VSNL1: variants seen among roughly 807,000 people sequenced by gnomAD.
VSNL1 encodes visinin-like protein 1.
Under a neutral mutation model 20.4 loss-of-function variants are expected in VSNL1, and 6 were observed. The ratio of observed to expected loss-of-function variants is 0.29; its 90% CI spans 0.16 to 0.58. The LOEUF (loss-of-function observed/expected upper bound fraction) is 0.58, where lower values mean the gene tolerates loss of function less well. Among genes scored for constraint, VSNL1 ranks in the 20% least tolerant of loss-of-function variants. The probability of loss-of-function intolerance (pLI) is 0.90; values close to 1 mark genes in which losing one functional copy is unlikely to be tolerated. For synonymous variants in VSNL1, 93 were observed against 86.4 expected, an observed-to-expected ratio of 1.08 and a Z score of -0.42; for missense variants, 100 against 234.5, an observed-to-expected ratio of 0.43 and a Z score of 3.75.
At chr2:17,573,092 T>C (rs1009712267) in intron 1 of VSNL1, among the ~76,000 whole-genome samples, 1 of 152,256 alleles carries the variant, frequency 6.6e-6, no homozygotes, top group Non-Finnish European at 1.5e-5. Flanking sequence ...AAGAAATTTC[T>C]TTATTAAATC....
At chr2:17,575,141 G>C (rs1361629366) in intron 1 of VSNL1, among the ~76,000 whole-genome samples, 1 of 151,960 alleles carries the variant, frequency 6.6e-6, no homozygotes, top group African/African-American at 2.4e-5. Flanking sequence ...TAAACTTTTT[G>C]TAGGAGATGG....
At chr2:17,547,456 G>A (rs1420809207) in intron 1 of VSNL1, among the ~76,000 whole-genome samples, 1 of 151,928 alleles carries the variant, frequency 6.6e-6, no homozygotes, top group African/African-American at 2.4e-5. Context: ...AACAGTTTAC[G>A]GTGCTTACCC....
chr2:17,583,054 G>C (rs1020200641), intron 1 of VSNL1, among the ~76,000 whole-genome samples: 5 of 152,076 alleles, frequency 3.3e-5, no homozygotes, highest in Admixed American at 6.5e-5. Flanking sequence ...TAGAATTACT[G>C]TAGAGATAAC....
At chr2:17,614,800 G>C (rs1665177506) in intron 2 of VSNL1, among the ~76,000 whole-genome samples, 1 of 152,226 alleles carries the variant, frequency 6.6e-6, no homozygotes, top group African/African-American at 2.4e-5. Context: ...GGATGAAATA[G>C]AGAGACCAGA....
intron 2 of VSNL1, among the ~76,000 whole-genome samples, chr2:17,621,277 TTTC>T (rs1435855525): frequency 1.3e-5 from 2 of 151,340 alleles, no homozygotes; most frequent in East Asian, 1.9e-4. Flanking sequence ...TTTCTTCCTC[TTTC>T]TTTTTTTCTC....
intron 2 of VSNL1, among the ~76,000 whole-genome samples, chr2:17,592,892 G>A (rs1664628387): frequency 6.6e-6 from 1 of 151,952 alleles, no homozygotes; most frequent in South Asian, 2.1e-4. Flanking sequence ...CAGTGGTATT[G>A]TTTTGGCTTG....
At chr2:17,640,608 C>G (rs898352283) in intron 2 of VSNL1, among the ~76,000 whole-genome samples, 2 of 152,218 alleles carry the variant, frequency 1.3e-5, no homozygotes, top group African/African-American at 4.8e-5. Flanking sequence ...GAAGCTTCCT[C>G]TCCTCCAGAA....
intron 2 of VSNL1, among the ~76,000 whole-genome samples, chr2:17,647,408 G>A (rs934082380): frequency 2.6e-5 from 4 of 152,084 alleles, no homozygotes; most frequent in Non-Finnish European, 5.9e-5. Context: ...CAGTTCACAG[G>A]TGCCAGCCCC....
intron 1 of VSNL1, among the ~76,000 whole-genome samples, chr2:17,554,790 G>T (rs76778296): frequency 6.6e-6 from 1 of 152,028 alleles, no homozygotes; most frequent in Admixed American, 6.6e-5. Context: ...AAAATCACCT[G>T]CAATCTATTA....
chr2:17,605,541 T>G (rs1421919918), intron 2 of VSNL1, among the ~76,000 whole-genome samples: 1 of 152,134 alleles, frequency 6.6e-6, no homozygotes, highest in Admixed American at 6.5e-5. Context: ...GTAACAGCCT[T>G]GAAGGTATTA....
At chr2:17,603,693 G>A (rs1464146191) in intron 2 of VSNL1, among the ~76,000 whole-genome samples, 1 of 152,186 alleles carries the variant, frequency 6.6e-6, no homozygotes, top group African/African-American at 2.4e-5. Context: ...TATACAAGGC[G>A]ATCAGATGGT....
chr2:17,562,788 C>T (rs1019646804), intron 1 of VSNL1, among the ~76,000 whole-genome samples: 3 of 152,214 alleles, frequency 2.0e-5, no homozygotes, highest in Non-Finnish European at 2.9e-5. Context: ...CTATAGATAG[C>T]ATTTCAGCTT....
chr2:17,647,478 G>A (rs762836086), intron 2 of VSNL1, among the ~76,000 whole-genome samples: 2 of 152,170 alleles, frequency 1.3e-5, no homozygotes, highest in African/African-American at 2.4e-5. Context: ...TCTAGAAAGG[G>A]ACCAGGACCA....
chr2:17,610,411 C>T (rs898130508), intron 2 of VSNL1, among the ~76,000 whole-genome samples: 1 of 152,070 alleles, frequency 6.6e-6, no homozygotes, highest in Admixed American at 6.6e-5. Context: ...GAAGAGGCTC[C>T]AGGAAGGCCT....
chr2:17,591,004 CTT>C (rs531650007), intron 1 of VSNL1, among the ~76,000 whole-genome samples: 6 of 151,872 alleles, frequency 4.0e-5, no homozygotes, highest in South Asian at 2.1e-4. Flanking sequence ...TAGCAATAGT[CTT>C]ATTATTATTT....
At chr2:17,639,779 T>C (rs953913793) in intron 2 of VSNL1, among the ~76,000 whole-genome samples, 1 of 152,218 alleles carries the variant, frequency 6.6e-6, no homozygotes, top group Non-Finnish European at 1.5e-5. Flanking sequence ...ACAGCTTTGC[T>C]ACCAGGGTCA....
intron 2 of VSNL1, among the ~76,000 whole-genome samples, chr2:17,642,309 C>CTTTTTTTTTTTTGTTTTTTTTTTTT (rs1665898225): frequency 1.1e-5 from 1 of 93,194 alleles, no homozygotes; most frequent in Non-Finnish European, 2.3e-5. Flanking sequence ...GTGAGCATTC[C>CTTTTTTTTTTTTGTTTTTTTTTTTT]TTTTTTTTTT....
At chr2:17,581,024 C>G (rs1664337974) in intron 1 of VSNL1, among the ~76,000 whole-genome samples, 1 of 152,118 alleles carries the variant, frequency 6.6e-6, no homozygotes, top group African/African-American at 2.4e-5. Context: ...CAAGCTCAAG[C>G]AAGTGTGTGT....
At chr2:17,602,771 A>AAT (rs1553302045) in intron 2 of VSNL1, among the ~76,000 whole-genome samples, 20 of 90,522 alleles carry the variant, frequency 2.2e-4, no homozygotes, top group Admixed American at 5.9e-4. Context: ...AATAAAATAA[A>AAT]AAAATAAAAT....
Sources: gnomAD v4.1 joint callset for allele counts (sites outside exome capture counted in the v4.1 genomes callset) on GRCh38, gnomAD v4.1.1 for gene constraint, MANE v1.5 for transcripts, NCBI Gene and HGNC (gene_info 2026-07-23, HGNC 2026-07-21) for gene names.